CCDC7: variants seen among roughly 807,000 people sequenced by gnomAD.
CCDC7 encodes the protein coiled-coil domain-containing protein 7.
CCDC7 carries 183 observed loss-of-function variants against 196.9 expected under a neutral mutation model. The observed-to-expected ratio is 0.93, with a 90% confidence interval of 0.82 to 1.05. The LOEUF is 1.05. Among genes scored for constraint, CCDC7 ranks in the 50% least tolerant of loss-of-function variants. CCDC7 has a pLI of 0.00. For synonymous variants in CCDC7, 525 were observed against 484.6 expected, an observed-to-expected ratio of 1.08 and a Z score of -1.10; for missense variants, 1,540 against 1,482.2, an observed-to-expected ratio of 1.04 and a Z score of -0.64.
intron 21 of CCDC7, among the ~76,000 whole-genome samples, chr10:32,668,806 C>T (rs1197315464): frequency 5.3e-5 from 8 of 152,048 alleles, no homozygotes; most frequent in South Asian, 2.1e-4. Flanking sequence ...CATCAATGTT[C>T]GTCAGAGTTT....
chr10:32,565,694 A>G, intron 14 of CCDC7, 74 bp downstream of exon 15: 1 of 1,507,658 alleles, frequency 6.6e-7, no homozygotes, highest in South Asian at 1.3e-5. Context: ...TCAAATGAAT[A>G]ATTTTTACTT....
intron 4 of CCDC7, 52 bp from the exon 6 acceptor site, chr10:32,462,965 C>A (rs750890635): frequency 1.2e-6 from 2 of 1,607,128 alleles, no homozygotes; most frequent in Non-Finnish European, 1.7e-6. Flanking sequence ...TTCATCAGTG[C>A]AATTTAAGTA....
At chr10:32,499,083 T>TTG (rs1451303947) in intron 9 of CCDC7, 3 of 141,622 alleles carry the variant, frequency 2.1e-5, no homozygotes, top group Non-Finnish European at 4.6e-5. Context: ...TTTTGTTTGT[T>TTG]TCTTTTTTTT....
At chr10:32,873,435 T>G (rs2094499578) in intron 41 of CCDC7, among the ~76,000 whole-genome samples, 1 of 151,980 alleles carries the variant, frequency 6.6e-6, no homozygotes, top group Admixed American at 6.6e-5. Context: ...TAGCCATTCA[T>G]CTAATTTTTT....
chr10:32,729,461 A>G lies in CCDC7; in HGVS notation c.2905+4A>G, dbSNP rs1368322284. On this transcript the variant is annotated splice_donor_region_variant and intron_variant, in intron 28 of 41. Transcript: ENST00000639629. The stretch of plus-strand genomic sequence containing the variant: ...GCTAAAGTAACTTCAAGAAAAAGTA[A>G]GTAATTATTTATAAATCTTATAAAT... 2 of 1,179,028 alleles carry G rather than the reference A, an allele frequency of 1.7e-6. No homozygotes were observed. The highest frequency in any genetic ancestry group is 2.4e-6 in the Non-Finnish European group (2 of 831,692). The allele number at this position is 1,179,028 out of a possible 1,614,324, so 73.0% of individuals were successfully genotyped here. A position where few individuals can be genotyped will look rare whatever the true frequency, so the allele number is the denominator to read the frequency against.
At chr10:32,557,658 A>T (rs2054588322) in intron 13 of CCDC7, among the ~76,000 whole-genome samples, 1 of 152,016 alleles carries the variant, frequency 6.6e-6, no homozygotes, top group African/African-American at 2.4e-5. Flanking sequence ...TTAAATTCAG[A>T]TATTATGATT....
At chr10:32,771,509 G>A (rs1188790957) in intron 28 of CCDC7, among the ~76,000 whole-genome samples, 5 of 152,164 alleles carry the variant, frequency 3.3e-5, no homozygotes, top group Non-Finnish European at 2.9e-5. Flanking sequence ...TAGTCTGATA[G>A]TTTTTTTCTT....
intron 41 of CCDC7, among the ~76,000 whole-genome samples, chr10:32,870,650 A>T (rs1044298072): frequency 3.3e-5 from 5 of 152,164 alleles, no homozygotes; most frequent in Admixed American, 1.3e-4. Flanking sequence ...AGGAGTGATG[A>T]GAGAGGGCAT....
At chr10:32,518,559 G>A (rs1053468335) in intron 11 of CCDC7, 54 bp downstream of exon 12, 3 of 1,394,350 alleles carry the variant, frequency 2.2e-6, no homozygotes, top group Non-Finnish European at 2.9e-6. Context: ...GGCTTATTAT[G>A]TTAGGATAGA....
At chr10:32,601,953 C>T (rs1019419823) in intron 18 of CCDC7, among the ~76,000 whole-genome samples, 8 of 152,140 alleles carry the variant, frequency 5.3e-5, no homozygotes, top group Non-Finnish European at 1.0e-4. Flanking sequence ...GTGGGCGGGG[C>T]CAAATAAGGG....
At chr10:32,756,248 T>C (rs1171064187) in intron 28 of CCDC7, among the ~76,000 whole-genome samples, 1 of 152,034 alleles carries the variant, frequency 6.6e-6, no homozygotes, top group Non-Finnish European at 1.5e-5. Flanking sequence ...ATTCAGGAAA[T>C]ACAGAGAACA....
At chr10:32,771,389 A>G (rs1042478247) in intron 28 of CCDC7, among the ~76,000 whole-genome samples, 1 of 152,174 alleles carries the variant, frequency 6.6e-6, no homozygotes, top group African/African-American at 2.4e-5. Flanking sequence ...ATTGAAACTT[A>G]GTTTTGCAGG....
intron 18 of CCDC7, among the ~76,000 whole-genome samples, chr10:32,612,560 G>A (rs145254414): frequency 0.013 from 2,000 of 152,106 alleles, 16 homozygotes; most frequent in Non-Finnish European, 0.017. Context: ...TGGGTTTGTC[G>A]TAAATAGCTC....
intron 25 of CCDC7, among the ~76,000 whole-genome samples, chr10:32,726,200 A>G (rs1290934087): frequency 1.3e-5 from 2 of 152,008 alleles, no homozygotes; most frequent in Non-Finnish European, 2.9e-5. Flanking sequence ...ACTTAACATT[A>G]TCTTCTAGAA....
chr10:32,862,982 A>G (rs1157169412), intron 41 of CCDC7, among the ~76,000 whole-genome samples: 1 of 152,116 alleles, frequency 6.6e-6, no homozygotes, highest in African/African-American at 2.4e-5. Context: ...ACTAGAAAAC[A>G]TTGATGGAAG....
chr10:32,521,542 G>A (rs1235619681), intron 11 of CCDC7, among the ~76,000 whole-genome samples: 1 of 147,608 alleles, frequency 6.8e-6, no homozygotes, highest in African/African-American at 2.5e-5. Flanking sequence ...ATTTTGATTT[G>A]TATCCTGTAA....
At chr10:32,568,100 TG>T (rs2136974244) in intron 15 of CCDC7, among the ~76,000 whole-genome samples, 1 of 144,292 alleles carries the variant, frequency 6.9e-6, no homozygotes, top group Non-Finnish European at 1.5e-5. Context: ...TCCAACTCCC[TG>T]GTTCAAGGGA....
chr10:32,869,911 T>A (rs1449415612), intron 41 of CCDC7, among the ~76,000 whole-genome samples: 9 of 151,490 alleles, frequency 5.9e-5, no homozygotes, highest in Admixed American at 2.6e-4. Context: ...GTTGTAGATA[T>A]GTAGCATTAT....
intron 9 of CCDC7, among the ~76,000 whole-genome samples, chr10:32,501,206 C>T (rs571439430): frequency 8.5e-5 from 13 of 152,124 alleles, no homozygotes; most frequent in Middle Eastern, 6.8e-3. Flanking sequence ...ACAAAGTTCT[C>T]GTCCTGTGTT....
Sources: gnomAD v4.1 joint callset for allele counts (sites outside exome capture counted in the v4.1 genomes callset) on GRCh38, gnomAD v4.1.1 for gene constraint, MANE v1.5 for transcripts, NCBI Gene and HGNC (gene_info 2026-07-23, HGNC 2026-07-21) for gene names.